NKAIN3: variants seen among roughly 807,000 people sequenced by gnomAD.
The protein encoded by NKAIN3 is sodium/potassium-transporting ATPase subunit beta-1-interacting protein 3.
NKAIN3 carries 25 observed loss-of-function variants against 30.2 expected under a neutral mutation model. The ratio of observed to expected loss-of-function variants is 0.83; its 90% confidence interval spans 0.60 to 1.16. The LOEUF (loss-of-function observed/expected upper bound fraction) is 1.16. Ranked by LOEUF, NKAIN3 falls within the 50% of genes most tolerant of loss-of-function variation. NKAIN3 has a pLI of 0.00. For missense variants in NKAIN3, 225 were observed against 254.1 expected, an observed-to-expected ratio of 0.89 and a Z score of 0.78; for synonymous variants, 91 against 89.6, an observed-to-expected ratio of 1.02 and a Z score of -0.09.
At chr8:62,699,662 T>A (rs1309898892) in intron 3 of NKAIN3, among the ~76,000 whole-genome samples, 1 of 152,332 alleles carries the variant, frequency 6.6e-6, no homozygotes, top group Admixed American at 6.5e-5. Context: ...GGTGTTGTTA[T>A]AGGAAGATAT....
intron 3 of NKAIN3, among the ~76,000 whole-genome samples, chr8:62,732,457 C>T (rs949698739): frequency 6.6e-6 from 1 of 151,980 alleles, no homozygotes; most frequent in African/African-American, 2.4e-5. Flanking sequence ...TGTCAGTCCA[C>T]ATTATCTATG....
At chr8:62,413,100 T>C (rs1344351881) in intron 1 of NKAIN3, among the ~76,000 whole-genome samples, 1 of 152,048 alleles carries the variant, frequency 6.6e-6, no homozygotes. Context: ...TGAGGTACCA[T>C]ATCACACCAG....
At chr8:62,877,147 G>A (rs1244071668) in intron 4 of NKAIN3, among the ~76,000 whole-genome samples, 1 of 152,120 alleles carries the variant, frequency 6.6e-6, no homozygotes, top group African/African-American at 2.4e-5. Flanking sequence ...GTTGCACATG[G>A]CCAGGGTGGT....
At chr8:62,408,024 G>T (rs1804128357) in intron 1 of NKAIN3, among the ~76,000 whole-genome samples, 1 of 152,168 alleles carries the variant, frequency 6.6e-6, no homozygotes, top group African/African-American at 2.4e-5. Context: ...GTGAGACCTT[G>T]TCTCTAAATA....
At chr8:62,830,808 C>G (rs4739012) in intron 4 of NKAIN3, among the ~76,000 whole-genome samples, 123,737 of 152,086 alleles carry the variant, frequency 0.81, 50,563 homozygotes, top group South Asian at 0.88. Context: ...AGAATTCTCA[C>G]CTCCATGCCT....
chr8:62,465,046 C>T (rs940731296), intron 1 of NKAIN3, among the ~76,000 whole-genome samples: 17 of 152,066 alleles, frequency 1.1e-4, no homozygotes, highest in African/African-American at 3.6e-4. Context: ...GATTAAATAT[C>T]GCATTTCCAA....
chr8:62,436,901 G>A (rs553479255), intron 1 of NKAIN3, among the ~76,000 whole-genome samples: 14 of 151,904 alleles, frequency 9.2e-5, no homozygotes, highest in Non-Finnish European at 1.8e-4. Flanking sequence ...TGTAATGTGC[G>A]GGACACACCA....
intron 1 of NKAIN3, among the ~76,000 whole-genome samples, chr8:62,443,667 C>T (rs773112228): frequency 4.6e-5 from 7 of 152,012 alleles, no homozygotes; most frequent in African/African-American, 9.7e-5. Flanking sequence ...TATTGGGGTG[C>T]GTGAGTCACC....
chr8:62,869,836 C>T (rs2130798662), intron 4 of NKAIN3, among the ~76,000 whole-genome samples: 1 of 152,100 alleles, frequency 6.6e-6, no homozygotes, highest in East Asian at 1.9e-4. Context: ...GGCGCGATCT[C>T]GGCTCACTGC....
chr8:62,922,911 A>C (rs187563369), intron 5 of NKAIN3, among the ~76,000 whole-genome samples: 93 of 152,228 alleles, frequency 6.1e-4, no homozygotes, highest in African/African-American at 2.1e-3. Context: ...TAATCCTCCC[A>C]CTAGCAAGAT....
In NKAIN3 at chr8:62,765,650, C is replaced by A. The variant is rs1816814281; in HGVS notation, c.471+18521C>A. Among the ~76,000 whole-genome samples the A allele has an allele frequency of 2.0e-5, 3 of 152,106 alleles. No homozygotes were observed. In the South Asian group the frequency reaches 6.2e-4, roughly 32 times the overall value. On this transcript the variant is annotated intron_variant, in intron 4 of 6. Coordinates refer to ENST00000623646, the MANE Select transcript of NKAIN3 (RefSeq NM_001304533.3). ...AGTTAATTACATTACCTTGGTTAAT[C>A]ATAAAATCTGTCTTGATGTTGCAGA...
At chr8:62,855,658 C>A in intron 4 of NKAIN3, 1 of 1,604,080 alleles carries the variant, frequency 6.2e-7, no homozygotes, top group Non-Finnish European at 8.5e-7. Flanking sequence ...TCCTGAAGTG[C>A]TGCTGCAGCC....
At chr8:62,306,694 A>C (rs1814256453) in intron 1 of NKAIN3, among the ~76,000 whole-genome samples, 1 of 149,884 alleles carries the variant, frequency 6.7e-6, no homozygotes. Flanking sequence ...TCAACATCTG[A>C]TGGTTTTAGT....
At chr8:62,254,308 G>A (rs985896755) in intron 1 of NKAIN3, among the ~76,000 whole-genome samples, 2 of 151,938 alleles carry the variant, frequency 1.3e-5, no homozygotes, top group African/African-American at 2.4e-5. Context: ...GGAACCTAGA[G>A]GGCAAGCCTG....
chr8:62,337,574 C>CATACAT, intron 1 of NKAIN3, among the ~76,000 whole-genome samples: 2 of 150,444 alleles, frequency 1.3e-5, no homozygotes, highest in South Asian at 4.2e-4. Flanking sequence ...AAGTATAGTA[C>CATACAT]ATATATATAT....
chr8:62,503,465 G>GA (rs1019022075), intron 1 of NKAIN3, among the ~76,000 whole-genome samples: 3 of 152,118 alleles, frequency 2.0e-5, no homozygotes, highest in Non-Finnish European at 4.4e-5. Context: ...CATCTTAACA[G>GA]AAAACAGGGT....
chr8:62,314,320 G>A (rs1489300862), intron 1 of NKAIN3, among the ~76,000 whole-genome samples: 1 of 152,096 alleles, frequency 6.6e-6, no homozygotes, highest in East Asian at 1.9e-4. Flanking sequence ...ATAATCCAGA[G>A]TCATATCTGG....
chr8:62,553,657 C>A (rs1490163492), intron 1 of NKAIN3, among the ~76,000 whole-genome samples: 1 of 151,994 alleles, frequency 6.6e-6, no homozygotes, highest in African/African-American at 2.4e-5. Context: ...TTGCCTCAGC[C>A]TCCCGAACAG....
intron 1 of NKAIN3, among the ~76,000 whole-genome samples, chr8:62,317,126 G>T (rs1814666316): frequency 6.6e-6 from 1 of 151,890 alleles, no homozygotes; most frequent in Non-Finnish European, 1.5e-5. Flanking sequence ...TGGGTTGTTT[G>T]TTTTTTCTTG....
Sources: gnomAD v4.1 joint callset for allele counts (sites outside exome capture counted in the v4.1 genomes callset) on GRCh38, gnomAD v4.1.1 for gene constraint, MANE v1.5 for transcripts, NCBI Gene and HGNC (gene_info 2026-07-23, HGNC 2026-07-21) for gene names.